The following SPON1 variants were observed in gnomAD, a reference collection of about 807,000 sequenced individuals.
SPON1 encodes spondin-1.
A neutral mutation model predicts 111.7 loss-of-function variants in SPON1; 52 were observed. The ratio of observed to expected loss-of-function variants is 0.47; its 90% CI spans 0.37 to 0.59. The LOEUF is 0.59. Ranked by LOEUF, SPON1 falls within the 20% of genes least tolerant of loss-of-function variation. SPON1 has a pLI of 0.00. For missense variants in SPON1, 957 were observed against 1,068.5 expected (o/e 0.90, Z 1.46); for synonymous variants, 410 against 395.8 (o/e 1.04, Z -0.43).
intron 1 of SPON1, among the ~76,000 whole-genome samples, chr11:13,971,554 C>T (rs1187901623): frequency 6.6e-6 from 1 of 152,118 alleles, no homozygotes; most frequent in Non-Finnish European, 1.5e-5. Context: ...AAAAAACTTC[C>T]TGGGCCCCAC....
chr11:14,181,314 C>T (rs565594003), intron 6 of SPON1, among the ~76,000 whole-genome samples: 2 of 152,150 alleles, frequency 1.3e-5, no homozygotes, highest in Admixed American at 1.3e-4. Context: ...TGGAGCTCAG[C>T]ATTAAACAGC....
chr11:14,212,623 G>T (rs1472612284), intron 6 of SPON1, among the ~76,000 whole-genome samples: 1 of 152,126 alleles, frequency 6.6e-6, no homozygotes, highest in Non-Finnish European at 1.5e-5. Context: ...TAGAGTATAG[G>T]ATTGCTGTGA....
chr11:13,984,918 C>G (rs546201947), intron 2 of SPON1, among the ~76,000 whole-genome samples: 7 of 152,218 alleles, frequency 4.6e-5, no homozygotes, highest in Non-Finnish European at 8.8e-5. Flanking sequence ...ACTCCTATCT[C>G]TGTATGCATC....
chr11:14,051,264 G>A (rs1202978436), intron 3 of SPON1, among the ~76,000 whole-genome samples: 3 of 152,172 alleles, frequency 2.0e-5, no homozygotes, highest in African/African-American at 7.2e-5. Flanking sequence ...GAGAGATGTG[G>A]TGGCTCACAC....
intron 2 of SPON1, among the ~76,000 whole-genome samples, chr11:14,030,016 A>C (rs1281622523): frequency 6.6e-6 from 1 of 152,176 alleles, no homozygotes; most frequent in Non-Finnish European, 1.5e-5. Flanking sequence ...GGTAGGGGGA[A>C]AACCCCCAAG....
At chr11:14,023,741 C>T (rs1157775339) in intron 2 of SPON1, among the ~76,000 whole-genome samples, 1 of 152,172 alleles carries the variant, frequency 6.6e-6, no homozygotes, top group South Asian at 2.1e-4. Flanking sequence ...CGGTGGCTCA[C>T]GCCTGTAATC....
chr11:14,076,377 A>G (rs1327270271), intron 4 of SPON1, among the ~76,000 whole-genome samples: 1 of 152,214 alleles, frequency 6.6e-6, no homozygotes, highest in Non-Finnish European at 1.5e-5. Context: ...AAGAAAAAGA[A>G]AGGTTGATAA....
chr11:14,227,482 A>G (rs190055720), intron 6 of SPON1, among the ~76,000 whole-genome samples: 1 of 152,270 alleles, frequency 6.6e-6, no homozygotes, highest in East Asian at 1.9e-4. Context: ...CTGACTTTCT[A>G]TTGAAAATAA....
rs944334927 is a variant in SPON1 at position 14,259,879 on chromosome 11, G to A, written c.1831+178G>A. Among the ~76,000 whole-genome samples the A allele has an allele frequency of 3.3e-5, 5 of 152,222 alleles. No individual in the cohort carries two copies. Among genetic ancestry groups the A allele is most frequent in the Admixed American group, 6.5e-5 (1 of 15,292 alleles). ...GACATAGGTGTGTAGACATCAACCA[G>A]ACCCAGAGAGAGTAACCTCCACTGG... On this transcript the variant is annotated intron_variant, in intron 13 of 15. Transcript: ENST00000576479. This position sits in a 1 kb window ranked among gnomAD's most constrained non-coding sequence, Gnocchi z 5.0.
chr11:14,052,642 A>G (rs1286881123), intron 3 of SPON1, among the ~76,000 whole-genome samples: 1 of 152,202 alleles, frequency 6.6e-6, no homozygotes, highest in Non-Finnish European at 1.5e-5. Context: ...CATGTGCCTG[A>G]TTAGGAAGAC....
intron 5 of SPON1, among the ~76,000 whole-genome samples, chr11:14,089,571 C>T (rs1248159512): frequency 6.6e-6 from 1 of 152,232 alleles, no homozygotes; most frequent in Non-Finnish European, 1.5e-5. Flanking sequence ...TGTCTGTCAA[C>T]CCCTGCTGGG....
At chr11:14,255,524 T>C (rs1554941102) in intron 8 of SPON1, 123 bp from the exon 9 acceptor site, 1 of 828,448 alleles carries the variant, frequency 1.2e-6, no homozygotes, top group Non-Finnish European at 1.9e-6. Context: ...TCCATAAATA[T>C]AAATAGTAGT....
rs150532924 is a variant in SPON1 at position 13,977,029 on chromosome 11, G to A, written c.239-5818G>A. Among the ~76,000 whole-genome samples, 727 of 152,332 alleles carry A rather than the reference G, an allele frequency of 4.8e-3. 1 individual carries two copies. Among genetic ancestry groups the A allele is most frequent in the African/African-American group, 0.016 (685 of 41,558 alleles). ...AGATTTATCCATGTTGCATGTGGCA[G>A]TATGTGTTCATTTTCCTGCCTGTGA... On this transcript the variant is annotated intron_variant, in intron 1 of 15. Coordinates refer to ENST00000576479, the MANE Select transcript of SPON1 (RefSeq NM_006108.4).
At chr11:14,119,807 G>C (rs930090904) in intron 5 of SPON1, among the ~76,000 whole-genome samples, 1 of 152,026 alleles carries the variant, frequency 6.6e-6, no homozygotes, top group Non-Finnish European at 1.5e-5. Context: ...TGCACAGTTG[G>C]TTCTTATATT....
In SPON1 at chr11:14,005,875, C is replaced by T. The variant is rs1384153260; in HGVS notation, c.345+22922C>T. 3.3e-5 allele frequency among the ~76,000 whole-genome samples: 5 copies of T among 152,160 alleles called. No individual in the cohort carries two copies. The South Asian group carries it at 6.2e-4, about 19-fold the overall frequency. Reference sequence around the variant, plus strand: ...GACCTGGGTTCAAATCCTGAATCTACAATTCTGCTCTATGACCTCTCTAAG... The same window carrying T: ...GACCTGGGTTCAAATCCTGAATCTATAATTCTGCTCTATGACCTCTCTAAG... On this transcript the variant is annotated intron_variant, in intron 2 of 15. Transcript: ENST00000576479.
rs1848931942 is a variant in SPON1 at position 14,241,932 on chromosome 11, G to A, written c.826-1400G>A. On this transcript the variant is annotated intron_variant, in intron 6 of 15. Transcript: ENST00000576479. ...TCTGATGGAAAGAGGGTACCCCGGGGAGCCTGAGCCTAGGAGGAGGCTGCA... is the reference window on the plus strand; with the variant it reads ...TCTGATGGAAAGAGGGTACCCCGGGAAGCCTGAGCCTAGGAGGAGGCTGCA... Among the ~76,000 whole-genome samples the A allele has an allele frequency of 3.9e-5, 6 of 152,172 alleles. No homozygotes were observed. In the South Asian group the frequency reaches 8.3e-4, roughly 21 times the overall value.
In SPON1 at chr11:14,187,684, G is replaced by A. The variant is rs897242721; in HGVS notation, c.825+52116G>A. Among the ~76,000 whole-genome samples, 15 of 152,092 alleles carry A rather than the reference G, an allele frequency of 9.9e-5. No individual in the cohort carries two copies. In the East Asian group the frequency reaches 1.2e-3, roughly 12 times the overall value. On this transcript the variant is annotated intron_variant, in intron 6 of 15. Transcript: ENST00000576479. ...GGCTGGAGTGCAGTGGTGCAATCTC[G>A]GCACACTGCAACCTCCACCTCCCAG...
intron 6 of SPON1, among the ~76,000 whole-genome samples, chr11:14,147,751 CTT>C (rs66888680): frequency 2.1e-5 from 3 of 145,648 alleles, no homozygotes; most frequent in Admixed American, 6.8e-5. Flanking sequence ...AATACTAAGA[CTT>C]TTTTTTTTTT....
At chr11:14,180,628 T>G (rs1848227494) in intron 6 of SPON1, among the ~76,000 whole-genome samples, 1 of 152,248 alleles carries the variant, frequency 6.6e-6, no homozygotes, top group African/African-American at 2.4e-5. Flanking sequence ...ACATATCTTA[T>G]GCTTCACTGT....
Sources: gnomAD v4.1 joint callset for allele counts (sites outside exome capture counted in the v4.1 genomes callset) on GRCh38, gnomAD v4.1.1 for gene constraint, Gnocchi (gnomAD v3.1) non-coding constraint, MANE v1.5 for transcripts, NCBI Gene and HGNC (gene_info 2026-07-23, HGNC 2026-07-21) for gene names.